C3orf52: variants seen among roughly 807,000 people sequenced by gnomAD.
The protein encoded by C3orf52 is TPA-induced transmembrane protein.
In C3orf52, 22 loss-of-function variants were observed where a neutral mutation model predicts 24.8. The observed-to-expected ratio is 0.89, with a 90% CI of 0.63 to 1.27. The LOEUF is 1.27. C3orf52 is among the 50% of genes most tolerant of loss of function. The probability of loss-of-function intolerance (pLI) is 0.00; values close to 1 mark genes in which losing one functional copy is unlikely to be tolerated. For missense variants in C3orf52, 265 were observed against 260.7 expected (o/e 1.02, Z -0.11); for synonymous variants, 93 against 100.2 (o/e 0.93, Z 0.43).
chr3:112,102,902 C>A lies in C3orf52; in HGVS notation c.333C>A (p.Ile111=). Residue 111 remains isoleucine, a synonymous_variant, in exon 3 of 6, where the codon ATC becomes ATA. Coordinates refer to ENST00000264848, the MANE Select transcript of C3orf52 (RefSeq NM_024616.3). ...LELSSNKTFF[I]MLKIPEECVA... Reference sequence around the variant, plus strand: ...TATCATCAAACAAAACATTCTTCATCATGCTGAAGATTCCAGAGGAGTGTG... The same window carrying A: ...TATCATCAAACAAAACATTCTTCATAATGCTGAAGATTCCAGAGGAGTGTG... The A allele has an allele frequency of 6.2e-7, 1 of 1,607,912 alleles. No homozygotes were observed. Among genetic ancestry groups the A allele is most frequent in the Non-Finnish European group, 8.5e-7 (1 of 1,176,936 alleles).
intron 2 of C3orf52, among the ~76,000 whole-genome samples, chr3:112,098,631 A>T (rs2073946476): frequency 1.3e-5 from 2 of 152,220 alleles, no homozygotes; most frequent in African/African-American, 4.8e-5. Flanking sequence ...CTACTATAAC[A>T]GAATATCATA....
rs2074137950 is a variant in C3orf52 at position 112,116,818 on chromosome 3, A to G, written c.*172A>G. The G allele has an allele frequency of 6.5e-7, 1 of 1,538,832 alleles. No homozygotes were observed. The highest frequency in any genetic ancestry group is 8.7e-7 in the Non-Finnish European group (1 of 1,146,928). On this transcript the variant is annotated 3_prime_UTR_variant, in exon 6 of 6. Transcript: ENST00000264848. Reference sequence around the variant, plus strand: ...GATTCTACAGTCTGGCTCTAAGCCCAGTAAAACAGCTCCCGAGCACTGCTT... The same window carrying G: ...GATTCTACAGTCTGGCTCTAAGCCCGGTAAAACAGCTCCCGAGCACTGCTT...
At chr3:112,128,261 T>C (rs1350047796) in exon 5 of C3orf52, 1 of 696,618 alleles carries the variant, frequency 1.4e-6, no homozygotes, top group South Asian at 1.5e-5. Context: ...AAATTCCTAA[T>C]CAGGAAAAAA....
intron 2 of C3orf52, among the ~76,000 whole-genome samples, chr3:112,095,982 C>T (rs987314321): frequency 6.6e-6 from 1 of 152,116 alleles, no homozygotes. Context: ...GAAATGTTGT[C>T]TGGGGATAAA....
Position 112,117,249 on chromosome 3 carries a change from AC to A in C3orf52, c.*604del. 1 of 471,538 alleles carries A rather than the reference AC, an allele frequency of 2.1e-6. No individual in the cohort carries two copies. Among genetic ancestry groups the A allele is most frequent in the Non-Finnish European group, 3.8e-6 (1 of 264,512 alleles). 29.2% of individuals were successfully genotyped at this position (471,538 alleles called of 1,614,324 possible). A position where few individuals can be genotyped will look rare whatever the true frequency, so the allele number is the denominator to read the frequency against. ...GCCAGGCTGTGAAGAAAAGGAAGGC[AC>A]TTTAGAAGACCTCAGCAGTGTGGTT... On this transcript the variant is annotated 3_prime_UTR_variant, in exon 6 of 6. Coordinates refer to ENST00000264848, the MANE Select transcript of C3orf52 (RefSeq NM_024616.3).
chr3:112,119,625 AGTCT>A, downstream of C3orf52: 1 of 656,286 alleles, frequency 1.5e-6, no homozygotes, highest in South Asian at 1.7e-5. Context: ...TCCTATTCAG[AGTCT>A]GATCAATGCT....
chr3:112,097,479 T>C (rs903609932), intron 2 of C3orf52, among the ~76,000 whole-genome samples: 2 of 152,154 alleles, frequency 1.3e-5, no homozygotes, highest in Non-Finnish European at 1.5e-5. Flanking sequence ...TACTGAGATA[T>C]AAGCAACGAC....
downstream of C3orf52, among the ~76,000 whole-genome samples, chr3:112,132,234 C>T (rs865803339): frequency 2.6e-5 from 4 of 152,262 alleles, no homozygotes; most frequent in Non-Finnish European, 2.9e-5. Context: ...ATCCTCTTTT[C>T]GGCAAGTGGT....
chr3:112,123,729 A>T, intron 4 of C3orf52: 9 of 1,613,872 alleles, frequency 5.6e-6, no homozygotes, highest in African/African-American at 1.3e-5. Flanking sequence ...ATGATTGATG[A>T]GGGTATAGCA....
downstream of C3orf52, chr3:112,133,244 A>G: frequency 1.0e-6 from 1 of 971,274 alleles, no homozygotes; most frequent in South Asian, 1.4e-5. Context: ...GTGCAGAGAC[A>G]GCAGAAAGGA....
downstream of C3orf52, chr3:112,132,991 C>T: frequency 3.3e-6 from 4 of 1,209,970 alleles, no homozygotes; most frequent in East Asian, 2.5e-5. Flanking sequence ...ACTTTCTACC[C>T]CAACTTAGTG....
chr3:112,116,763 A>C lies in C3orf52; in HGVS notation c.*117A>C, dbSNP rs1236800952. The C allele has an allele frequency of 7.1e-6, 11 of 1,548,342 alleles. No homozygotes were observed. Among genetic ancestry groups the C allele is most frequent in the Non-Finnish European group, 9.6e-6 (11 of 1,147,198 alleles). ...GGATTAATACAGAAGCACCAGCAAC[A>C]CCAGAGGGGTGGAGACTCCTTTCTC... is the stretch of plus-strand genomic sequence containing the variant. On this transcript the variant is annotated 3_prime_UTR_variant, in exon 6 of 6. Coordinates refer to ENST00000264848, the MANE Select transcript of C3orf52 (RefSeq NM_024616.3).
intron 4 of C3orf52, chr3:112,111,593 A>G (rs2074083567): frequency 6.6e-6 from 1 of 152,248 alleles, no homozygotes. Context: ...AGGCCAGGCT[A>G]GGTGGCCTGA....
intron 3 of C3orf52, among the ~76,000 whole-genome samples, chr3:112,105,853 C>G (rs1160428244): frequency 6.7e-6 from 1 of 149,302 alleles, no homozygotes; most frequent in Non-Finnish European, 1.5e-5. Flanking sequence ...GATGCCAGTT[C>G]AGTTACAAGT....
downstream of C3orf52, chr3:112,121,780 A>G (rs1366303070): frequency 6.6e-6 from 1 of 152,230 alleles, no homozygotes; most frequent in African/African-American, 2.4e-5. Context: ...CCTGTGACAC[A>G]TGCAAGCTCA....
intron 2 of C3orf52, among the ~76,000 whole-genome samples, chr3:112,097,374 G>C (rs980111317): frequency 6.6e-6 from 1 of 152,170 alleles, no homozygotes; most frequent in Non-Finnish European, 1.5e-5. Flanking sequence ...ACATCCTGGA[G>C]ACCCTCATGT....
intron 4 of C3orf52, among the ~76,000 whole-genome samples, chr3:112,110,798 G>A (rs1576147127): frequency 1.3e-5 from 2 of 152,150 alleles, no homozygotes; most frequent in Non-Finnish European, 2.9e-5. Context: ...CCTAATATTA[G>A]CAGACCTGGG....
downstream of C3orf52, among the ~76,000 whole-genome samples, chr3:112,135,846 T>C (rs1394449960): frequency 6.6e-6 from 1 of 152,184 alleles, no homozygotes; most frequent in African/African-American, 2.4e-5. Context: ...TAATGACTTG[T>C]ATAATCTAGT....
downstream of C3orf52, chr3:112,134,832 T>C (rs1330034967): frequency 6.5e-6 from 1 of 154,872 alleles, no homozygotes; most frequent in Non-Finnish European, 1.5e-5. Flanking sequence ...TATTAATACA[T>C]GCAATAACTT....
Sources: gnomAD v4.1 joint callset for allele counts (sites outside exome capture counted in the v4.1 genomes callset) on GRCh38, gnomAD v4.1.1 for gene constraint, MANE v1.5 for transcripts, NCBI Gene and HGNC (gene_info 2026-07-23, HGNC 2026-07-21) for gene names.